Variants in GALNT18 observed in about 807,000 individuals in gnomAD.
GALNT18 encodes GalNAc-transferase 18.
Under a neutral mutation model 69.5 loss-of-function variants are expected in GALNT18, and 44 were observed. That is an observed-to-expected ratio of 0.63 (90% CI 0.50 to 0.81). The LOEUF (loss-of-function observed/expected upper bound fraction) is 0.81, where lower values mean the gene tolerates loss of function less well. Ranked by LOEUF, GALNT18 falls within the 40% of genes least tolerant of loss-of-function variation. The pLI is 0.00. For missense variants in GALNT18, 715 were observed against 810.0 expected (o/e 0.88, Z 1.42); for synonymous variants, 364 against 318.2 (o/e 1.14, Z -1.53).
intron 1 of GALNT18, among the ~76,000 whole-genome samples, chr11:11,566,599 G>T (rs1858658237): frequency 6.6e-6 from 1 of 152,176 alleles, no homozygotes; most frequent in Admixed American, 6.5e-5. Context: ...AAATGGTTCA[G>T]GGAGATAACA....
At chr11:11,369,431 C>T (rs999617236) in intron 6 of GALNT18, among the ~76,000 whole-genome samples, 3 of 152,148 alleles carry the variant, frequency 2.0e-5, no homozygotes, top group African/African-American at 4.8e-5. Flanking sequence ...CTTTCCTTTA[C>T]GTCTTCCTGT....
In GALNT18 at chr11:11,587,976, G is replaced by A. The variant is rs74358063; in HGVS notation, c.235+33383C>T. Among the ~76,000 whole-genome samples, 4,792 of 152,166 alleles carry A rather than the reference G, an allele frequency of 0.031. 229 individuals are homozygous for A. The highest frequency in any genetic ancestry group is 0.11 in the African/African-American group (4,520 of 41,490). ...TTACAAAATAGGCATGCTGTTTCCA[G>A]CTTCCACACTTTTATACACACAAGT... On this transcript the variant is annotated intron_variant, in intron 1 of 10. Transcript: ENST00000227756. The surrounding 1 kb of genome is among the most constrained non-coding windows in gnomAD (Gnocchi z 4.4).
chr11:11,547,163 G>A (rs1858073793), intron 1 of GALNT18, among the ~76,000 whole-genome samples: 1 of 152,184 alleles, frequency 6.6e-6, no homozygotes, highest in Non-Finnish European at 1.5e-5. Context: ...ACAAATGACA[G>A]CCACTGCTGT....
intron 8 of GALNT18, 144 bp from the exon 9 acceptor site, chr11:11,327,325 A>G (rs1346726311): frequency 1.6e-6 from 1 of 633,512 alleles, no homozygotes; most frequent in Non-Finnish European, 2.8e-6. Context: ...TAGAACCAAC[A>G]AGCACCAGCT....
In GALNT18 at chr11:11,577,947, A is replaced by T. The variant is rs11600105; in HGVS notation, c.235+43412T>A. The stretch of plus-strand genomic sequence containing the variant: ...CAGGAAAAGGGCAAGAAGCAATTTG[A>T]TAGGAGAAGGAGAAAGCCAGCCTCA... On this transcript the variant is annotated intron_variant, in intron 1 of 10. Coordinates refer to ENST00000227756, the MANE Select transcript of GALNT18 (RefSeq NM_198516.3). Among the ~76,000 whole-genome samples the T allele has an allele frequency of 7.8e-3, 1,184 of 152,252 alleles. 2 individuals are homozygous for T. Among genetic ancestry groups the T allele is most frequent in the Non-Finnish European group, 9.8e-3 (664 of 68,016 alleles).
At chr11:11,303,597 G>C (rs1353282348) in intron 9 of GALNT18, among the ~76,000 whole-genome samples, 1 of 151,638 alleles carries the variant, frequency 6.6e-6, no homozygotes, top group Non-Finnish European at 1.5e-5. Context: ...TTGGGCCCTA[G>C]CGCAACCTCA....
Position 11,461,005 on chromosome 11 carries a change from A to T in GALNT18, c.236-12069T>A, listed in dbSNP as rs972133271. The stretch of plus-strand genomic sequence containing the variant: ...GGTACTGGCAAGAGTTAGGGAAGGC[A>T]ACTCCAGCTAGGTGGGCTAGGACTC... On this transcript the variant is annotated intron_variant, in intron 1 of 10. Transcript: ENST00000227756. The surrounding 1 kb of genome is among the most constrained non-coding windows in gnomAD (Gnocchi z 4.1). 2.6e-5 allele frequency among the ~76,000 whole-genome samples: 4 copies of T among 152,218 alleles called. No homozygotes were observed. The highest frequency in any genetic ancestry group is 9.6e-5 in the African/African-American group (4 of 41,454).
intron 10 of GALNT18, among the ~76,000 whole-genome samples, chr11:11,289,861 A>G (rs1361013716): frequency 6.6e-6 from 1 of 152,152 alleles, no homozygotes; most frequent in African/African-American, 2.4e-5. Context: ...TCAATGTCTC[A>G]TATTGGAGGT....
chr11:11,279,553 T>G (rs935915920), intron 10 of GALNT18, among the ~76,000 whole-genome samples: 2 of 152,116 alleles, frequency 1.3e-5, no homozygotes, highest in Non-Finnish European at 2.9e-5. Flanking sequence ...TCACGGTATA[T>G]TCATATAATG....
rs2133893372 is a variant in GALNT18, at chr11:11,497,230, A to G, written c.236-48294T>C. On this transcript the variant is annotated intron_variant, in intron 1 of 10. Coordinates refer to ENST00000227756, the MANE Select transcript of GALNT18 (RefSeq NM_198516.3). This position sits in a 1 kb window ranked among gnomAD's most constrained non-coding sequence, Gnocchi z 4.2. ...TCAGCACCCTCAACTGACCCTTGTC[A>G]GTCCCTCTACCAAAGCCTTGTGTCC... is the stretch of plus-strand genomic sequence containing the variant. Among the ~76,000 whole-genome samples the G allele has an allele frequency of 6.6e-6, 1 of 151,756 alleles. No individual in the cohort carries two copies. Among genetic ancestry groups the G allele is most frequent in the African/African-American group, 2.4e-5 (1 of 41,418 alleles).
chr11:11,288,289 TTCC>T (rs1477578129), intron 10 of GALNT18, among the ~76,000 whole-genome samples: 1 of 152,182 alleles, frequency 6.6e-6, no homozygotes, highest in African/African-American at 2.4e-5. Flanking sequence ...AGACAATGGA[TTCC>T]TACTACTAAA....
At position 11,616,278 on chromosome 11, in the gene GALNT18, T is replaced by C. The variant is rs1164022497; in HGVS notation, c.235+5081A>G. On this transcript the variant is annotated intron_variant, in intron 1 of 10. Coordinates refer to ENST00000227756, the MANE Select transcript of GALNT18 (RefSeq NM_198516.3). The surrounding 1 kb of genome is among the most constrained non-coding windows in gnomAD (Gnocchi z 4.4). ...AAAAGAATAGAGCATTTGACAGGGATTACATTTACTCGGAAAAATTTGAAT... is the reference window on the plus strand; with the variant it reads ...AAAAGAATAGAGCATTTGACAGGGACTACATTTACTCGGAAAAATTTGAAT... Among the ~76,000 whole-genome samples the C allele has an allele frequency of 6.6e-6, 1 of 152,170 alleles. No homozygotes were observed. The highest frequency in any genetic ancestry group is 6.5e-5 in the Admixed American group (1 of 15,280).
At chr11:11,409,205 C>T (rs1204249052) in intron 3 of GALNT18, among the ~76,000 whole-genome samples, 1 of 152,176 alleles carries the variant, frequency 6.6e-6, no homozygotes, top group Admixed American at 6.5e-5. Flanking sequence ...TAGCTACTGG[C>T]TCATGGGGGC....
intron 7 of GALNT18, among the ~76,000 whole-genome samples, chr11:11,336,979 C>T (rs1259410814): frequency 1.3e-5 from 2 of 152,176 alleles, no homozygotes; most frequent in East Asian, 3.9e-4. Flanking sequence ...AGGAGGTAAA[C>T]AGTCAAAGAG....
intron 6 of GALNT18, among the ~76,000 whole-genome samples, chr11:11,354,547 G>C (rs1040805966): frequency 6.6e-6 from 1 of 152,188 alleles, no homozygotes; most frequent in Non-Finnish European, 1.5e-5. Flanking sequence ...TCCAAAGATA[G>C]TTGCTGTGAG....
intron 3 of GALNT18, among the ~76,000 whole-genome samples, chr11:11,393,869 G>C (rs1293379348): frequency 6.6e-6 from 1 of 152,172 alleles, no homozygotes; most frequent in African/African-American, 2.4e-5. Flanking sequence ...TTACTTCCCT[G>C]GTAGACATGC....
chr11:11,280,237 T>A (rs548789068), intron 10 of GALNT18, among the ~76,000 whole-genome samples: 1 of 152,128 alleles, frequency 6.6e-6, no homozygotes, highest in African/African-American at 2.4e-5. Context: ...TGGGGCCCAC[T>A]GTTTGCCAGG....
chr11:11,351,942 C>A, intron 6 of GALNT18: 2 of 1,577,282 alleles, frequency 1.3e-6, no homozygotes, highest in Non-Finnish European at 1.7e-6. Context: ...CAGATAGGGC[C>A]GTTACTGCTG....
intron 9 of GALNT18, among the ~76,000 whole-genome samples, chr11:11,323,797 T>C (rs1480308453): frequency 1.3e-5 from 2 of 152,240 alleles, no homozygotes; most frequent in Non-Finnish European, 2.9e-5. Flanking sequence ...AGGTGTAATT[T>C]CATCTGTATT....
Sources: allele counts gnomAD v4.1 joint callset (sites outside exome capture counted in the v4.1 genomes callset), GRCh38; gene constraint gnomAD v4.1.1; non-coding constraint Gnocchi (gnomAD v3.1); transcripts MANE v1.5; gene names NCBI Gene and HGNC (gene_info 2026-07-23, HGNC 2026-07-21).